ABCA4: variants seen among roughly 807,000 people sequenced by gnomAD.
ABCA4 encodes the protein retinal-specific phospholipid-transporting ATPase ABCA4.
Under a neutral mutation model 263.7 loss-of-function variants are expected in ABCA4, and 196 were observed. The ratio of observed to expected loss-of-function variants is 0.74; its 90% confidence interval spans 0.66 to 0.84. ABCA4 has a LOEUF of 0.84. ABCA4 is among the 40% of genes least tolerant of loss of function. ABCA4 has a pLI of 0.00. For missense variants in ABCA4, 2,792 were observed against 2,855.1 expected, an observed-to-expected ratio of 0.98 and a Z score of 0.50; for synonymous variants, 1,133 against 1,094.2, an observed-to-expected ratio of 1.04 and a Z score of -0.70.
At chr1:94,102,094 C>G (rs192633015) in intron 5 of ABCA4, among the ~76,000 whole-genome samples, 17 of 152,300 alleles carry the variant, frequency 1.1e-4, no homozygotes, top group Admixed American at 3.9e-4. Flanking sequence ...CATCACCAGA[C>G]GCGCAAGCCT....
At chr1:94,001,427 G>C in intron 45 of ABCA4, 1 of 504,756 alleles carries the variant, frequency 2.0e-6, no homozygotes, top group Non-Finnish European at 3.6e-6. Flanking sequence ...GGTCACTCAG[G>C]TCACTTCCTT....
Position 94,021,238 on chromosome 1 carries a change from A to G in ABCA4, c.5018+2T>C, listed in dbSNP as rs61750562. 13 of 1,614,100 alleles carry G rather than the reference A, an allele frequency of 8.1e-6. No homozygotes were observed. The highest frequency in any genetic ancestry group is 1.1e-5 in the Non-Finnish European group (13 of 1,180,032). ...GGTGAGGCTGGGGCTGTGGTGGCTT[A>G]CACTGTAATCTCTGAGAGCTGCTCC... is the stretch of plus-strand genomic sequence containing the variant. On this transcript the variant is annotated splice_donor_variant, in intron 35 of 49. Coordinates refer to ENST00000370225, the MANE Select transcript of ABCA4 (RefSeq NM_000350.3). LOFTEE classifies it high-confidence loss of function.
chr1:94,068,798 G>A (rs549114), intron 11 of ABCA4, among the ~76,000 whole-genome samples: 36,480 of 152,126 alleles, frequency 0.24, 5,333 homozygotes, highest in Non-Finnish European at 0.33. Flanking sequence ...GTGGGAAAAG[G>A]AGTCAAAGGG....
intron 25 of ABCA4, 116 bp downstream of exon 25, chr1:94,037,029 C>T (rs904298080): frequency 8.8e-7 from 1 of 1,139,966 alleles, no homozygotes; most frequent in Non-Finnish European, 1.3e-6. Context: ...AGTTGCTATG[C>T]TTGGGTGGGG....
intron 11 of ABCA4, among the ~76,000 whole-genome samples, chr1:94,064,640 C>T (rs1570395134): frequency 6.6e-6 from 1 of 152,146 alleles, no homozygotes; most frequent in Non-Finnish European, 1.5e-5. Flanking sequence ...AGTGGCAGGG[C>T]CAGGGCATCC....
chr1:94,079,242 A>T (rs1557794648), intron 9 of ABCA4, 80 bp downstream of exon 9: 1 of 1,532,436 alleles, frequency 6.5e-7, no homozygotes, highest in Non-Finnish European at 9.0e-7. Flanking sequence ...AGGAAGGCAC[A>T]TCTCTCTCAC....
chr1:94,106,879 G>A (rs940121284), intron 4 of ABCA4, among the ~76,000 whole-genome samples: 7 of 152,008 alleles, frequency 4.6e-5, no homozygotes, highest in East Asian at 1.9e-4. Flanking sequence ...GGCCCCACAC[G>A]CGCTGTGGTC....
chr1:94,043,012 C>T lies in ABCA4; in HGVS notation c.3191-114G>A, dbSNP rs541312718. ...TTAACCCAGCAGTGGTTTGGTGCTGCCTCTTAGATGTTTATAGCGTTCAAA... is the reference window on the plus strand; with the variant it reads ...TTAACCCAGCAGTGGTTTGGTGCTGTCTCTTAGATGTTTATAGCGTTCAAA... On this transcript the variant is annotated intron_variant, in intron 21 of 49. Coordinates refer to ENST00000370225, the MANE Select transcript of ABCA4 (RefSeq NM_000350.3). 7.4e-5 allele frequency: 108 copies of T among 1,451,888 alleles called. No homozygotes were observed. In the African/African-American group the frequency reaches 1.4e-3, roughly 18 times the overall value. The allele number at this position is 1,451,888 out of a possible 1,614,324, so 89.9% of individuals were successfully genotyped here.
At chr1:94,023,773 C>T (rs1659966032) in intron 31 of ABCA4, among the ~76,000 whole-genome samples, 1 of 152,178 alleles carries the variant, frequency 6.6e-6, no homozygotes, top group African/African-American at 2.4e-5. Flanking sequence ...CTCCTGTCTT[C>T]CACCCTGCAA....
intron 7 of ABCA4, among the ~76,000 whole-genome samples, 165 bp from the exon 8 acceptor site, chr1:94,080,883 C>T (rs1351079554): frequency 6.6e-6 from 1 of 152,182 alleles, no homozygotes; most frequent in African/African-American, 2.4e-5. Context: ...ACAAAACCTA[C>T]TGCCATCTAC....
intron 1 of ABCA4, among the ~76,000 whole-genome samples, chr1:94,118,405 T>C (rs993596232): frequency 6.6e-6 from 1 of 151,972 alleles, no homozygotes; most frequent in Non-Finnish European, 1.5e-5. Context: ...GACATGGAGG[T>C]TTGAGGGAAA....
In ABCA4 at chr1:94,000,835, C is replaced by T; in HGVS notation, c.6479+1G>A. ...AGGGGCACGCCCCACCATCTGCTTA[C>T]TTGGACTTGAGATGCTGAATGGTGC... On this transcript the variant is annotated splice_donor_variant, in intron 47 of 49. Coordinates refer to ENST00000370225, the MANE Select transcript of ABCA4 (RefSeq NM_000350.3). LOFTEE classifies it high-confidence loss of function. 2 of 1,614,218 alleles carry T rather than the reference C, an allele frequency of 1.2e-6. No individual in the cohort carries two copies. Among genetic ancestry groups the T allele is most frequent in the South Asian group, 2.2e-5 (2 of 91,088 alleles).
chr1:94,019,281 A>G, intron 36 of ABCA4: 1 of 306,528 alleles, frequency 3.3e-6, no homozygotes, highest in Middle Eastern at 1.1e-3. Context: ...GGCCAGACTC[A>G]TGCCTGCGGT....
In ABCA4 at chr1:94,116,982, C is replaced by CTTTCTTTCTTTCTTTA. The variant is rs1557812278; in HGVS notation, c.67-3917_67-3916insTAAAGAAAGAAAGAAA. On this transcript the variant is annotated intron_variant, in intron 1 of 49. Coordinates refer to ENST00000370225, the MANE Select transcript of ABCA4 (RefSeq NM_000350.3). ...TTTCTTTCTTTCTCTTTCTTTCTTT[C>CTTTCTTTCTTTCTTTA]TTTCTTTCTTTCTTTCTTTCTTTCT... is the stretch of plus-strand genomic sequence containing the variant. Among the ~76,000 whole-genome samples the CTTTCTTTCTTTCTTTA allele has an allele frequency of 4.7e-5, 5 of 105,402 alleles. No individual in the cohort carries two copies. In the East Asian group the frequency reaches 1.4e-3, roughly 30 times the overall value. The allele number at this position is 105,402 out of a possible 152,430, so 69.1% of individuals were successfully genotyped here.
rs1286437189 is a variant in ABCA4, at chr1:94,014,203, A to AGGATGGAGGGAG, written c.5460+328_5460+339dup. 2.0e-4 allele frequency among the ~76,000 whole-genome samples: 25 copies of AGGATGGAGGGAG among 126,416 alleles called. No individual in the cohort carries two copies. The East Asian group carries it at 3.1e-3, about 15-fold the overall frequency. The allele number at this position is 126,416 out of a possible 152,430, so 82.9% of individuals were successfully genotyped here. On this transcript the variant is annotated intron_variant, in intron 38 of 49. Coordinates refer to ENST00000370225, the MANE Select transcript of ABCA4 (RefSeq NM_000350.3). ...GAAGGAAAGAAGGAAGAAAGAAGGA[A>AGGATGGAGGGAG]GGATGGAGGGAGGGATGGAGGGAGG...
chr1:94,095,152 G>GT (rs1458125314), intron 6 of ABCA4, among the ~76,000 whole-genome samples: 2 of 152,318 alleles, frequency 1.3e-5, no homozygotes, highest in East Asian at 3.9e-4. Context: ...GCGGGGATGG[G>GT]TGGGATGGTG....
At chr1:94,053,210 G>A (rs114139517) in intron 16 of ABCA4, among the ~76,000 whole-genome samples, 1 of 152,198 alleles carries the variant, frequency 6.6e-6, no homozygotes, top group Non-Finnish European at 1.5e-5. Context: ...AGCTGTGATT[G>A]TAAGTACAGG....
intron 5 of ABCA4, among the ~76,000 whole-genome samples, chr1:94,100,451 A>C (rs1217401481): frequency 1.3e-5 from 2 of 152,354 alleles, no homozygotes; most frequent in South Asian, 2.1e-4. Context: ...CTGAAGTCAC[A>C]TAGCTAAGTG....
intron 11 of ABCA4, among the ~76,000 whole-genome samples, chr1:94,070,991 C>T (rs530839504): frequency 3.3e-5 from 5 of 152,218 alleles, no homozygotes; most frequent in Admixed American, 2.0e-4. Flanking sequence ...CTAAGAGAGA[C>T]AGTACACGCT....
Sources: gnomAD v4.1 joint callset for allele counts (sites outside exome capture counted in the v4.1 genomes callset) on GRCh38, gnomAD v4.1.1 for gene constraint, MANE v1.5 for transcripts, NCBI Gene and HGNC (gene_info 2026-07-23, HGNC 2026-07-21) for gene names.